The following TNR variants were observed in gnomAD, a reference collection of about 807,000 sequenced individuals.
The protein encoded by TNR is tenascin R.
TNR carries 45 observed loss-of-function variants against 150.4 expected under a neutral mutation model. The observed-to-expected ratio is 0.30, with a 90% CI of 0.24 to 0.38. The LOEUF is 0.38. Ranked by LOEUF, TNR falls within the 10% of genes least tolerant of loss-of-function variation. The probability of loss-of-function intolerance (pLI) is 1.00; values close to 1 mark genes in which losing one functional copy is unlikely to be tolerated. For missense variants in TNR, 1,544 were observed against 1,759.1 expected, an observed-to-expected ratio of 0.88 and a Z score of 2.19; for synonymous variants, 687 against 678.4, an observed-to-expected ratio of 1.01 and a Z score of -0.20.
intron 1 of TNR, among the ~76,000 whole-genome samples, chr1:175,681,475 A>T (rs974024137): frequency 6.6e-6 from 1 of 152,156 alleles, no homozygotes; most frequent in African/African-American, 2.4e-5. Context: ...GTGTGGAGGA[A>T]GGCTCCATCT....
intron 1 of TNR, among the ~76,000 whole-genome samples, chr1:175,626,078 C>T (rs1330764088): frequency 6.6e-6 from 1 of 152,184 alleles, no homozygotes; most frequent in African/African-American, 2.4e-5. Flanking sequence ...ACTTTTGCTT[C>T]TTCCTCATTC....
chr1:175,592,683 T>C (rs1389709800), intron 1 of TNR, among the ~76,000 whole-genome samples: 1 of 152,238 alleles, frequency 6.6e-6, no homozygotes, highest in Non-Finnish European at 1.5e-5. Flanking sequence ...TCAAGTGAGT[T>C]ACAGAGGAGG....
intron 1 of TNR, among the ~76,000 whole-genome samples, chr1:175,631,711 T>C (rs1664333505): frequency 6.6e-6 from 1 of 152,124 alleles, no homozygotes; most frequent in Non-Finnish European, 1.5e-5. Flanking sequence ...TGTGAGGGTG[T>C]GTGTGTTTGT....
Position 175,365,905 on chromosome 1 carries a change from T to C in TNR, c.2287A>G (p.Ser763Gly). Reference sequence around the variant, plus strand: ...AAAGCATCCACAGTGGACTCCAAGCTCTGCTGCCGACCCCTCTCAGCAGTG... The same window carrying C: ...AAAGCATCCACAGTGGACTCCAAGCCCTGCTGCCGACCCCTCTCAGCAGTG... ...SVTAERGRQQSLESTVDAFTG... is the reference protein window; with the variant it reads ...SVTAERGRQQGLESTVDAFTG... The change falls in exon 11 of 23, where the codon AGC becomes GGC. Residue 763 changes from serine (S) to glycine (G), a missense_variant. Coordinates refer to ENST00000367674, the MANE Select transcript of TNR (RefSeq NM_003285.3). 1.9e-6 allele frequency: 3 copies of C among 1,614,114 alleles called. No individual in the cohort carries two copies. The South Asian group carries it at 3.3e-5, about 18-fold the overall frequency.
In TNR at chr1:175,656,117, G is replaced by A. The variant is rs1284309525; in HGVS notation, c.-165+87109C>T. 4.0e-5 allele frequency among the ~76,000 whole-genome samples: 6 copies of A among 151,592 alleles called. No homozygotes were observed. The East Asian group carries it at 1.2e-3, about 30-fold the overall frequency. ...ACCTTTAAAAAAATCTATCCTTACA[G>A]GGGAAGACGGGGAGGAAGGTTGAAG... is the stretch of plus-strand genomic sequence containing the variant. On this transcript the variant is annotated intron_variant, in intron 1 of 22. Transcript: ENST00000367674.
rs569962434 is a variant in TNR at position 175,316,037 on chromosome 1, G to C, written c.*7320C>G. ...CACAGGTGTCACTGCTGCCCAAGCA[G>C]CCCCCACACTGGAATGGAACCAGTG... On this transcript the variant is annotated 3_prime_UTR_variant, in exon 23 of 23. Coordinates refer to ENST00000367674, the MANE Select transcript of TNR (RefSeq NM_003285.3). 12 of 152,320 alleles carry C rather than the reference G, an allele frequency of 7.9e-5. No homozygotes were observed. Among genetic ancestry groups the C allele is most frequent in the Admixed American group, 5.2e-4 (8 of 15,304 alleles). The allele number at this position is 152,320 out of a possible 1,614,324, so 9.4% of individuals were successfully genotyped here. A position where few individuals can be genotyped will look rare whatever the true frequency, so the allele number is the denominator to read the frequency against.
chr1:175,366,291 AC>A (rs1651839811), intron 10 of TNR, among the ~76,000 whole-genome samples, 153 bp from the exon 11 acceptor site: 2 of 152,196 alleles, frequency 1.3e-5, no homozygotes, highest in South Asian at 4.1e-4. Context: ...TTTGCTAAGT[AC>A]CTTCCCTCTG....
At chr1:175,328,588 C>G (rs1649542461) in intron 21 of TNR, among the ~76,000 whole-genome samples, 1 of 152,208 alleles carries the variant, frequency 6.6e-6, no homozygotes, top group Admixed American at 6.5e-5. Context: ...AGCTTTTCAT[C>G]TTTTGAAGAA....
chr1:175,476,915 C>T (rs2102123972), intron 2 of TNR, among the ~76,000 whole-genome samples: 1 of 152,208 alleles, frequency 6.6e-6, no homozygotes, highest in East Asian at 1.9e-4. Flanking sequence ...ATTATCTAGG[C>T]CTATGAATAA....
chr1:175,709,991 T>G (rs1486173682), intron 1 of TNR, among the ~76,000 whole-genome samples: 1 of 151,978 alleles, frequency 6.6e-6, no homozygotes, highest in East Asian at 1.9e-4. Flanking sequence ...ACGTTAGGGA[T>G]TTGGTAGATT....
At chr1:175,694,229 T>C (rs1022136507) in intron 1 of TNR, among the ~76,000 whole-genome samples, 2 of 152,186 alleles carry the variant, frequency 1.3e-5, no homozygotes, top group Non-Finnish European at 2.9e-5. Context: ...TCCAGGCTCT[T>C]CAACACTCCA....
intron 1 of TNR, among the ~76,000 whole-genome samples, chr1:175,621,371 A>T (rs527737574): frequency 1.3e-5 from 2 of 152,146 alleles, no homozygotes; most frequent in African/African-American, 4.8e-5. Flanking sequence ...ACCTGGCCCC[A>T]TCTGACCCTC....
intron 1 of TNR, among the ~76,000 whole-genome samples, chr1:175,698,788 TCACGC>T (rs1666603898): frequency 6.6e-6 from 1 of 151,350 alleles, no homozygotes; most frequent in Non-Finnish European, 1.5e-5. Context: ...TGATCTGAGA[TCACGC>T]CTGGGCAATA....
At chr1:175,526,384 C>A (rs1306469087) in intron 2 of TNR, among the ~76,000 whole-genome samples, 1 of 152,156 alleles carries the variant, frequency 6.6e-6, no homozygotes. Context: ...CTGTCCTGGG[C>A]CCCTTCCCCC....
chr1:175,724,934 G>C (rs946724736), intron 1 of TNR, among the ~76,000 whole-genome samples: 7 of 152,116 alleles, frequency 4.6e-5, no homozygotes, highest in Middle Eastern at 3.2e-3. Context: ...GGAGTGTGGG[G>C]AACTCAGAAA....
At chr1:175,518,555 A>G (rs949512023) in intron 2 of TNR, among the ~76,000 whole-genome samples, 15 of 152,106 alleles carry the variant, frequency 9.9e-5, no homozygotes, top group Admixed American at 7.9e-4. Context: ...GCAGCTGTTC[A>G]TTACTTTCCT....
chr1:175,385,804 G>T (rs1652888487), intron 8 of TNR, among the ~76,000 whole-genome samples: 1 of 152,174 alleles, frequency 6.6e-6, no homozygotes, highest in Non-Finnish European at 1.5e-5. Context: ...CACAGATCTG[G>T]TTGCCAGTAG....
At chr1:175,517,257 G>T (rs937205745) in intron 2 of TNR, among the ~76,000 whole-genome samples, 1 of 152,146 alleles carries the variant, frequency 6.6e-6, no homozygotes, top group African/African-American at 2.4e-5. Flanking sequence ...GAAAAAAATA[G>T]GGGCCTGTGG....
chr1:175,736,409 T>C (rs953024784), intron 1 of TNR, among the ~76,000 whole-genome samples: 5 of 151,928 alleles, frequency 3.3e-5, no homozygotes, highest in Admixed American at 3.3e-4. Flanking sequence ...TAGTCCCAGC[T>C]ACTTGGGAGG....
Sources: allele counts gnomAD v4.1 joint callset (sites outside exome capture counted in the v4.1 genomes callset), GRCh38; gene constraint gnomAD v4.1.1; transcripts MANE v1.5; gene names NCBI Gene and HGNC (gene_info 2026-07-23, HGNC 2026-07-21).